The following PRDM16 variants were observed in gnomAD, a reference collection of about 807,000 sequenced individuals.
PRDM16 encodes the protein histone-lysine N-methyltransferase PRDM16.
In PRDM16, 23 loss-of-function variants were observed where a neutral mutation model predicts 110.6. The observed-to-expected ratio is 0.21, with a 90% CI of 0.15 to 0.29. PRDM16 has a LOEUF of 0.29. Among genes scored for constraint, PRDM16 ranks in the 10% least tolerant of loss-of-function variants. The pLI, the probability that PRDM16 is intolerant of heterozygous loss-of-function variation, is 1.00. For missense variants in PRDM16, 1,615 were observed against 1,794.3 expected (o/e 0.90, Z 1.81); for synonymous variants, 799 against 781.8 (o/e 1.02, Z -0.37).
intron 2 of PRDM16, among the ~76,000 whole-genome samples, chr1:3,233,419 C>T (rs1003258897): frequency 4.6e-5 from 7 of 152,312 alleles, no homozygotes; most frequent in East Asian, 3.9e-4. Context: ...GCGCACCCGC[C>T]GGAGCTGGGG....
chr1:3,425,494 C>A lies in PRDM16; in HGVS notation c.2940-87C>A. ...CTGTGCACGGGGCACGGGGCAGGGG[C>A]GCGGGCTCCCTTCCCCCCACCCTCT... On this transcript the variant is annotated intron_variant, in intron 12 of 16. Transcript: ENST00000270722. This position sits in a 1 kb window ranked among gnomAD's most constrained non-coding sequence, Gnocchi z 6.9. 1.4e-6 allele frequency: 2 copies of A among 1,406,162 alleles called. No individual in the cohort carries two copies. Among genetic ancestry groups the A allele is most frequent in the African/African-American group, 1.4e-5 (1 of 70,318 alleles). 87.1% of individuals were successfully genotyped at this position (1,406,162 alleles called of 1,614,324 possible).
At chr1:3,138,016 G>A (rs1251080618) in intron 1 of PRDM16, among the ~76,000 whole-genome samples, 1 of 152,252 alleles carries the variant, frequency 6.6e-6, no homozygotes, top group Non-Finnish European at 1.5e-5. Context: ...GTGCAGAGCT[G>A]GCCAGGCAGG....
chr1:3,157,399 TCCCAGGC>T lies in PRDM16; in HGVS notation c.38-28724_38-28718del, dbSNP rs1458804006. On this transcript the variant is annotated intron_variant, in intron 1 of 16. Coordinates refer to ENST00000270722, the MANE Select transcript of PRDM16 (RefSeq NM_022114.4). This position sits in a 1 kb window ranked among gnomAD's most constrained non-coding sequence, Gnocchi z 4.8. ...TTGATCTGGGGACCTGCCCCCAGGC[TCCCAGGC>T]CTTTTGCGATCCCATTAAAAAAAAA... Among the ~76,000 whole-genome samples the T allele has an allele frequency of 7.3e-6, 1 of 136,314 alleles. No homozygotes were observed. The highest frequency in any genetic ancestry group is 7.7e-5 in the Admixed American group (1 of 13,046). The allele number at this position is 136,314 out of a possible 152,430, so 89.4% of individuals were successfully genotyped here.
chr1:3,256,194 A>G (rs555357290), intron 3 of PRDM16, among the ~76,000 whole-genome samples: 1 of 152,332 alleles, frequency 6.6e-6, no homozygotes, highest in Non-Finnish European at 1.5e-5. Flanking sequence ...TGCATGCTCC[A>G]TGCCTCCAAC....
chr1:3,297,442 C>T (rs1029635841), intron 3 of PRDM16, among the ~76,000 whole-genome samples: 1 of 152,102 alleles, frequency 6.6e-6, no homozygotes, highest in Non-Finnish European at 1.5e-5. Context: ...AGCCACCACA[C>T]ATGGCTAATT....
intron 2 of PRDM16, among the ~76,000 whole-genome samples, chr1:3,239,872 C>T (rs1338700077): frequency 6.6e-6 from 1 of 151,882 alleles, no homozygotes; most frequent in Non-Finnish European, 1.5e-5. Context: ...ATCACCTGAG[C>T]CCAGGAGGTC....
intron 3 of PRDM16, chr1:3,308,583 A>G (rs2100408469): frequency 6.6e-6 from 1 of 152,130 alleles, no homozygotes; most frequent in Middle Eastern, 3.4e-3. Flanking sequence ...AGTGATGGCC[A>G]CTCATCTTCT....
chr1:3,161,483 C>T (rs1171923264), intron 1 of PRDM16, among the ~76,000 whole-genome samples: 2 of 152,112 alleles, frequency 1.3e-5, no homozygotes, highest in African/African-American at 2.4e-5. Context: ...AAATGGGGGT[C>T]ATTTTGGAAA....
intron 1 of PRDM16, among the ~76,000 whole-genome samples, chr1:3,105,328 G>A (rs1642628945): frequency 6.6e-6 from 1 of 152,242 alleles, no homozygotes; most frequent in Non-Finnish European, 1.5e-5. Context: ...CTGGCCCAGA[G>A]CAGAGGCTTC....
chr1:3,225,111 AG>A (rs1639255733), intron 2 of PRDM16, among the ~76,000 whole-genome samples: 1 of 152,142 alleles, frequency 6.6e-6, no homozygotes, highest in Admixed American at 6.5e-5. Flanking sequence ...AAAATGTTAG[AG>A]TTTAAGGTCA....
intron 1 of PRDM16, among the ~76,000 whole-genome samples, chr1:3,183,851 A>G (rs1029378367): frequency 6.6e-6 from 1 of 152,194 alleles, no homozygotes; most frequent in African/African-American, 2.4e-5. Context: ...CTGGGGTTCT[A>G]ATTCCTACTT....
chr1:3,205,744 G>A (rs1007482722), intron 2 of PRDM16, among the ~76,000 whole-genome samples: 1 of 152,148 alleles, frequency 6.6e-6, no homozygotes, highest in Non-Finnish European at 1.5e-5. Context: ...TGGGGGCTGG[G>A]CAGTCCAGGG....
chr1:3,171,930 C>T (rs1053553953), intron 1 of PRDM16, among the ~76,000 whole-genome samples: 2 of 152,074 alleles, frequency 1.3e-5, no homozygotes, highest in African/African-American at 4.8e-5. Flanking sequence ...AGGTGCAAGC[C>T]CCCCGGCCTC....
At chr1:3,333,589 C>A (rs1642086162) in intron 3 of PRDM16, among the ~76,000 whole-genome samples, 1 of 152,298 alleles carries the variant, frequency 6.6e-6, no homozygotes, top group Admixed American at 6.5e-5. Flanking sequence ...AGCCTTCCTC[C>A]GAAGGCATCT....
At chr1:3,406,932 G>A (rs1643572688) in intron 8 of PRDM16, among the ~76,000 whole-genome samples, 1 of 152,210 alleles carries the variant, frequency 6.6e-6, no homozygotes, top group African/African-American at 2.4e-5. Context: ...ACGAAAGCCT[G>A]AGAGTGGGGC....
rs1160851414 is a variant in PRDM16, at chr1:3,303,805, AGC to A, written c.438+59671_438+59672del. Among the ~76,000 whole-genome samples the A allele has an allele frequency of 7.6e-3, 1,135 of 149,422 alleles. 2 individuals carry two copies. The highest frequency in any genetic ancestry group is 0.025 in the African/African-American group (1,010 of 39,808). ...GTGCCTTCTGAGGGATGTGCTGGGGAGCGCAGGAGGCCGTGGGCTCTTTAATC... is the reference window on the plus strand; with the variant it reads ...GTGCCTTCTGAGGGATGTGCTGGGGAGCAGGAGGCCGTGGGCTCTTTAATC... On this transcript the variant is annotated intron_variant, in intron 3 of 16. Transcript: ENST00000270722.
Position 3,426,200 on chromosome 1 carries a change from C to A in PRDM16, c.3259C>A (p.Gln1087Lys). Residue 1087 changes from glutamine to lysine, a missense_variant, in exon 14 of 17, where the codon CAA becomes AAA. This residue lies in a region of PRDM16 where 327 missense variants were observed against 359.3 expected (regional missense o/e 0.91). Transcript: ENST00000270722. ...RNFIANSEMN[Q>K]ASTRTEKRAD... The stretch of plus-strand genomic sequence containing the variant: ...CTTTATTGCCAATAGTGAGATGAAC[C>A]AAGCATCAACGCGAACAGAGAAACG... 2 of 1,613,722 alleles carry A rather than the reference C, an allele frequency of 1.2e-6. No individual in the cohort carries two copies. The highest frequency in any genetic ancestry group is 1.7e-6 in the Non-Finnish European group (2 of 1,179,820).
intron 2 of PRDM16, among the ~76,000 whole-genome samples, chr1:3,197,644 T>C (rs547993742): frequency 6.6e-6 from 1 of 152,170 alleles, no homozygotes; most frequent in East Asian, 1.9e-4. Flanking sequence ...GATCTTTTAA[T>C]TTTGAGTAAT....
intron 3 of PRDM16, among the ~76,000 whole-genome samples, chr1:3,292,611 G>T (rs1036815591): frequency 6.6e-6 from 1 of 152,120 alleles, no homozygotes; most frequent in African/African-American, 2.4e-5. Context: ...TTGTCCAGAC[G>T]GAAGGGGAAA....
Sources: gnomAD v4.1 joint callset for allele counts (sites outside exome capture counted in the v4.1 genomes callset) on GRCh38, gnomAD v4.1.1 for gene constraint, gnomAD v4.1.1 regional missense constraint, Gnocchi (gnomAD v3.1) non-coding constraint, MANE v1.5 for transcripts, NCBI Gene and HGNC (gene_info 2026-07-23, HGNC 2026-07-21) for gene names.